The following CFAP61 variants were observed in gnomAD, a reference collection of about 807,000 sequenced individuals.
The protein encoded by CFAP61 is cilia and flagella associated protein 61, also known as cilia- and flagella-associated protein 61.
CFAP61 carries 107 observed loss-of-function variants against 135.6 expected under a neutral mutation model. That is an observed-to-expected ratio of 0.79 (90% confidence interval 0.67 to 0.93). CFAP61 has a LOEUF of 0.93. Ranked by LOEUF, CFAP61 falls within the 40% of genes least tolerant of loss-of-function variation. CFAP61 has a pLI of 0.00. For missense variants in CFAP61, 1,507 were observed against 1,556.2 expected, an observed-to-expected ratio of 0.97 and a Z score of 0.53; for synonymous variants, 575 against 578.5, an observed-to-expected ratio of 0.99 and a Z score of 0.09.
At chr20:20,196,908 A>G in intron 16 of CFAP61, 132 bp downstream of exon 16, 1 of 788,064 alleles carries the variant, frequency 1.3e-6, no homozygotes. Flanking sequence ...TCCAATGGCC[A>G]TATTTAGTTT....
chr20:20,172,283 C>G (rs1044587640), intron 13 of CFAP61: 1 of 983,304 alleles, frequency 1.0e-6, no homozygotes, highest in Middle Eastern at 5.2e-4. Context: ...TGCATTATGT[C>G]TATCTGTTAT....
At position 20,075,531 on chromosome 20, in the gene CFAP61, C is replaced by T. The variant is rs201096460; in HGVS notation, c.482C>T (p.Pro161Leu). ...ITVFDQVGNI[P>L]CLTYEEDFAV... ...GTTTTTGACCAAGTGGGGAACATCC[C>T]GTGTCTGACGTATGAGGAAGACTTT... is the stretch of plus-strand genomic sequence containing the variant. Residue 161 changes from proline (P) to leucine (L), a missense_variant, in exon 6 of 27, where the codon CCG (proline) becomes CTG (leucine). By Grantham distance (98) the Pro-to-Leu change is moderately conservative. Coordinates refer to ENST00000245957, the MANE Select transcript of CFAP61 (RefSeq NM_015585.4). 38 of 1,613,874 alleles carry T rather than the reference C, an allele frequency of 2.4e-5. No homozygotes were observed. Among genetic ancestry groups the T allele is most frequent in the Non-Finnish European group, 2.9e-5 (34 of 1,179,896 alleles).
chr20:20,274,489 C>T (rs923434747), intron 21 of CFAP61, among the ~76,000 whole-genome samples: 11 of 152,038 alleles, frequency 7.2e-5, no homozygotes, highest in Admixed American at 1.3e-4. Context: ...GTCAAAACTT[C>T]GTCTCTACTA....
In CFAP61 at chr20:20,107,306, G is replaced by A. The variant is rs564552710; in HGVS notation, c.859+8492G>A. The stretch of plus-strand genomic sequence containing the variant: ...CAGTTATTTGACTACTGGGTCAGAG[G>A]CCTTCTCTCCACTGCATTTTGCTTG... On this transcript the variant is annotated intron_variant, in intron 8 of 26. Transcript: ENST00000245957. Among the ~76,000 whole-genome samples, 6 of 152,286 alleles carry A rather than the reference G, an allele frequency of 3.9e-5. No homozygotes were observed. The South Asian group carries it at 1.0e-3, about 26-fold the overall frequency.
intron 25 of CFAP61, among the ~76,000 whole-genome samples, chr20:20,303,276 G>T (rs1227359981): frequency 6.6e-6 from 1 of 152,140 alleles, no homozygotes; most frequent in Non-Finnish European, 1.5e-5. Context: ...AAACAGACTC[G>T]GTGAGTTTGA....
intron 7 of CFAP61, among the ~76,000 whole-genome samples, chr20:20,095,251 C>T (rs2047483594): frequency 1.3e-5 from 2 of 152,158 alleles, no homozygotes; most frequent in South Asian, 4.1e-4. Flanking sequence ...ACCATGATGA[C>T]AGCGCTTACA....
At chr20:20,205,780 TG>T (rs1401885362) in intron 17 of CFAP61, among the ~76,000 whole-genome samples, 1 of 152,274 alleles carries the variant, frequency 6.6e-6, no homozygotes, top group Non-Finnish European at 1.5e-5. Context: ...CTCTGCTGTA[TG>T]GGTTTGTTGT....
chr20:20,179,672 A>G (rs761277224), intron 13 of CFAP61, among the ~76,000 whole-genome samples: 4 of 152,226 alleles, frequency 2.6e-5, no homozygotes, highest in African/African-American at 7.2e-5. Flanking sequence ...TGGTACTGGT[A>G]CAAAAACAGA....
chr20:20,305,132 C>T (rs1362129239), intron 25 of CFAP61, among the ~76,000 whole-genome samples: 1 of 152,248 alleles, frequency 6.6e-6, no homozygotes, highest in African/African-American at 2.4e-5. Flanking sequence ...CGCCTCCACA[C>T]TTCCCCGCAC....
At chr20:20,174,033 G>T (rs566304829) in intron 13 of CFAP61, among the ~76,000 whole-genome samples, 1 of 152,240 alleles carries the variant, frequency 6.6e-6, no homozygotes, top group South Asian at 2.1e-4. Flanking sequence ...GAATTAGTTT[G>T]GTTGCAGTGG....
intron 8 of CFAP61, among the ~76,000 whole-genome samples, chr20:20,134,063 A>G (rs1028435): frequency 0.01 from 1,596 of 152,312 alleles, 19 homozygotes; most frequent in African/African-American, 0.036. Context: ...GTACCAGCCA[A>G]TGACAAGATA....
intron 8 of CFAP61, among the ~76,000 whole-genome samples, chr20:20,120,494 G>A (rs2049526956): frequency 6.6e-6 from 1 of 152,132 alleles, no homozygotes; most frequent in African/African-American, 2.4e-5. Flanking sequence ...AGAAATACTT[G>A]ATATGATTTC....
chr20:20,257,897 T>C (rs1280626083), intron 20 of CFAP61, among the ~76,000 whole-genome samples: 1 of 152,188 alleles, frequency 6.6e-6, no homozygotes, highest in Non-Finnish European at 1.5e-5. Flanking sequence ...TGTTGACTCT[T>C]ATATTTAGAA....
intron 18 of CFAP61, among the ~76,000 whole-genome samples, chr20:20,236,333 G>A (rs1333526591): frequency 6.6e-6 from 1 of 152,102 alleles, no homozygotes. Context: ...ACATGCAGGT[G>A]GGTTTAGGAG....
At position 20,055,962 on chromosome 20, in the gene CFAP61, G is replaced by T. The variant is rs1458271018; in HGVS notation, c.-36-656G>T. 2.5e-6 allele frequency: 4 copies of T among 1,610,478 alleles called. No individual in the cohort carries two copies. In the Admixed American group the frequency reaches 6.8e-5, roughly 27 times the overall value. ...TTGTGACCTACTGTTTTTGTCAACAGCATTTCCCAAAGTGTCCTTCTGGAA... is the reference window on the plus strand; with the variant it reads ...TTGTGACCTACTGTTTTTGTCAACATCATTTCCCAAAGTGTCCTTCTGGAA... On this transcript the variant is annotated intron_variant, in intron 1 of 26. Transcript: ENST00000245957.
chr20:20,196,903 TG>T, intron 16 of CFAP61, 127 bp downstream of exon 16: 1 of 806,616 alleles, frequency 1.2e-6, no homozygotes, highest in Non-Finnish European at 2.0e-6. Context: ...GAATTTCCAA[TG>T]GCCATATTTA....
intron 8 of CFAP61, among the ~76,000 whole-genome samples, chr20:20,135,399 A>C (rs1465574587): frequency 4.6e-5 from 7 of 152,222 alleles, no homozygotes; most frequent in Non-Finnish European, 1.5e-5. Flanking sequence ...AGACAAAAGG[A>C]AATGAGGCCA....
At chr20:20,166,360 T>C (rs1470362998) in intron 11 of CFAP61, 37 bp from the exon 12 acceptor site, 1 of 1,595,082 alleles carries the variant, frequency 6.3e-7, no homozygotes, top group African/African-American at 1.3e-5. Context: ...TGCATTTGCT[T>C]GCAGGGCACT....
intron 20 of CFAP61, among the ~76,000 whole-genome samples, chr20:20,259,179 G>A (rs1336995407): frequency 6.6e-6 from 1 of 150,590 alleles, no homozygotes; most frequent in Non-Finnish European, 1.5e-5. Context: ...AAAAATATCT[G>A]GAGAAAAGCA....
Sources: gnomAD v4.1 joint callset for allele counts (sites outside exome capture counted in the v4.1 genomes callset) on GRCh38, gnomAD v4.1.1 for gene constraint, MANE v1.5 for transcripts, NCBI Gene and HGNC (gene_info 2026-07-23, HGNC 2026-07-21) for gene names.